Variants in NOA1 observed in about 807,000 individuals in gnomAD.
NOA1 encodes nitric oxide associated 1, also known as nitric oxide-associated protein 1.
A neutral mutation model predicts 58.4 loss-of-function variants in NOA1; 35 were observed. The observed-to-expected ratio is 0.60, with a 90% confidence interval of 0.46 to 0.79. The LOEUF is 0.79. Ranked by LOEUF, NOA1 falls within the 30% of genes least tolerant of loss-of-function variation. The probability of loss-of-function intolerance (pLI) is 0.00; values close to 1 mark genes in which losing one functional copy is unlikely to be tolerated. For synonymous variants in NOA1, 397 were observed against 373.4 expected (o/e 1.06, Z -0.73); for missense variants, 895 against 894.6 (o/e 1.00, Z -0.01).
rs1270415398 is a variant in NOA1 at position 56,964,513 on chromosome 4, C to A, written c.1778G>T (p.Gly593Val). ...AGGAAATCCTGCCATTCGTTCTTTT[C>A]CACCCATTGGAATCTTCCAATGAAA... ...GHTLLQIPMG[G>V]KERMAGFPPL... The change falls in exon 6 of 7, where the codon GGA becomes GTA. Residue 593 changes from glycine to valine, a missense_variant. By Grantham distance (109) the Gly-to-Val change is moderately radical. Around this residue, in one of 3 missense-constraint regions of NOA1, gnomAD observed 212 missense variants for 221.3 expected, o/e 0.96. Transcript: ENST00000264230. 3 of 1,613,652 alleles carry A rather than the reference C, an allele frequency of 1.9e-6. No homozygotes were observed. In the Admixed American group the frequency reaches 5.0e-5, roughly 27 times the overall value.
rs758999937 is a variant in NOA1, at chr4:56,973,149, C to T, written c.1514G>A (p.Cys505Tyr). 5.0e-6 allele frequency: 8 copies of T among 1,613,210 alleles called. No homozygotes were observed. The highest frequency in any genetic ancestry group is 5.9e-6 in the Non-Finnish European group (7 of 1,179,220). ...TTCTAAAAGAAACCAAATACATACA[C>T]AATTTTCTTTTGTAATTCCAGGGGT... Reference protein sequence around the residue: ...YDTPGITKENCILNLLTEKEV... With the variant: ...YDTPGITKENYILNLLTEKEV... Residue 505 changes from cysteine to tyrosine, a missense_variant and splice_region_variant, in exon 3 of 7, where the codon TGT (cysteine) becomes TAT (tyrosine). Physicochemically the swap from Cys to Tyr is radical, Grantham distance 194. Transcript: ENST00000264230.
At position 56,973,394 on chromosome 4, in the gene NOA1, T is replaced by C. The variant is rs574707877; in HGVS notation, c.1310-41A>G. ...GTAAGGTTATTAGTCACTCCTTTAA[T>C]ACTTTTAACTCCAGACATAATTTTT... On this transcript the variant is annotated intron_variant, in intron 2 of 6. Transcript: ENST00000264230. 2.5e-4 allele frequency: 368 copies of C among 1,464,572 alleles called. 11 individuals carry two copies. In the South Asian group the frequency reaches 3.4e-3, roughly 14 times the overall value. The allele number at this position is 1,464,572 out of a possible 1,614,324, so 90.7% of individuals were successfully genotyped here.
chr4:56,965,404 A>T (rs1209497078), intron 5 of NOA1, among the ~76,000 whole-genome samples: 3 of 152,190 alleles, frequency 2.0e-5, no homozygotes, highest in African/African-American at 7.2e-5. Context: ...GCCCCCAAGG[A>T]AATCAAAGGG....
intron 3 of NOA1, among the ~76,000 whole-genome samples, chr4:56,970,305 C>G (rs956053315): frequency 6.6e-6 from 1 of 151,876 alleles, no homozygotes; most frequent in East Asian, 2.0e-4. Context: ...GGTCCTGTCT[C>G]TACAAAAACT....
chr4:56,972,173 A>G (rs1296575447), intron 3 of NOA1, among the ~76,000 whole-genome samples: 2 of 152,216 alleles, frequency 1.3e-5, no homozygotes, highest in East Asian at 3.9e-4. Context: ...GGCGTGAGCC[A>G]CTGCGCCCGG....
chr4:56,973,259 A>G lies in NOA1; in HGVS notation c.1404T>C (p.Asn468=), dbSNP rs139662674. 1.5e-5 allele frequency: 24 copies of G among 1,613,976 alleles called. No individual in the cohort carries two copies. The African/African-American group carries it at 2.5e-4, about 17-fold the overall frequency. ...DADSLAFDME[N]DPVMGTHKST... is the part of the protein sequence containing the mutation. ...ATTTGTGTGTACCCATAACAGGGTCATTTTCCATGTCAAAGGCAAGTGAAT... is the reference window on the plus strand; with the variant it reads ...ATTTGTGTGTACCCATAACAGGGTCGTTTTCCATGTCAAAGGCAAGTGAAT... The change falls in exon 3 of 7, where the codon AAT becomes AAC. Residue 468 remains asparagine (N), a synonymous_variant. Coordinates refer to ENST00000264230, the MANE Select transcript of NOA1 (RefSeq NM_032313.4).
chr4:56,968,722 C>A (rs1487038597), intron 3 of NOA1, among the ~76,000 whole-genome samples: 2 of 152,210 alleles, frequency 1.3e-5, no homozygotes, highest in Non-Finnish European at 2.9e-5. Flanking sequence ...TGTTTTACAA[C>A]TTAATCTACA....
rs1350245418 is a variant in NOA1 at position 56,977,062 on chromosome 4, G to A, written c.524C>T (p.Ala175Val). Residue 175 changes from alanine (A) to valine (V), a missense_variant, in exon 1 of 7, where the codon GCA becomes GTA. Around this residue, in one of 3 missense-constraint regions of NOA1, gnomAD observed 680 missense variants for 656.5 expected, o/e 1.04. Transcript: ENST00000264230. ...LRTAEADGGL[A>V]RTVCQRCWLL... ...CCAGCAGCGCTGGCACACGGTCCGT[G>A]CCAGCCCGCCGTCTGCCTCCGCCGT... is the stretch of plus-strand genomic sequence containing the variant. The A allele has an allele frequency of 6.3e-7, 1 of 1,577,800 alleles. No individual in the cohort carries two copies. Among genetic ancestry groups the A allele is most frequent in the Non-Finnish European group, 8.6e-7 (1 of 1,167,044 alleles).
Position 56,963,580 on chromosome 4 carries a change from C to A in NOA1, c.1967G>T (p.Arg656Leu), listed in dbSNP as rs141931092. 1 of 1,613,890 alleles carries A rather than the reference C, an allele frequency of 6.2e-7. No homozygotes were observed. The highest frequency in any genetic ancestry group is 8.5e-7 in the Non-Finnish European group (1 of 1,180,014). Residue 656 changes from arginine to leucine, a missense_variant, in exon 7 of 7, where the codon CGG becomes CTG. Transcript: ENST00000264230. ...YTPEGTVLTV[R>L]PPLLPYIVNI... ...AACAATATATGGCAAGAGAGGGGGC[C>A]GGACGGTCAAAACTGTTCCTTCAGG...
Position 56,966,682 on chromosome 4 carries a change from T to TA in NOA1, c.1701dup (p.Ile568TyrfsTer39). The TA allele has an allele frequency of 6.2e-7, 1 of 1,613,990 alleles. No homozygotes were observed. Among genetic ancestry groups the TA allele is most frequent in the Non-Finnish European group, 8.5e-7 (1 of 1,179,920 alleles). On this transcript the variant is annotated frameshift_variant, in exon 5 of 7. Coordinates refer to ENST00000264230, the MANE Select transcript of NOA1 (RefSeq NM_032313.4). LOFTEE classifies it high-confidence loss of function. ...GCGTCTGCCCTGTCCAAGGAGGTGA[T>TA]ATGCACAGGGAGGATGTTGGAAGCC...
intron 1 of NOA1, among the ~76,000 whole-genome samples, chr4:56,975,505 C>T (rs1721890622): frequency 6.6e-6 from 1 of 151,890 alleles, no homozygotes; most frequent in Non-Finnish European, 1.5e-5. Flanking sequence ...GTGGTGCTTG[C>T]CTGTAATCCC....
In NOA1 at chr4:56,964,411, G is replaced by C. The variant is rs1560463025; in HGVS notation, c.1880C>G (p.Ser627Cys). 6.2e-7 allele frequency: 1 copy of C among 1,614,050 alleles called. No homozygotes were observed. Among genetic ancestry groups the C allele is most frequent in the Admixed American group, 1.7e-5 (1 of 59,974 alleles). ...SEAVADIKFS[S>C]AGWVSVTPNF... ...AGTGCTTGGCATAAAATTACCTGCA[G>C]AGGAAAACTTGATGTCGGCCACTGC... Residue 627 changes from serine to cysteine, a missense_variant, in exon 6 of 7, where the codon TCT becomes TGT. Transcript: ENST00000264230.
intron 1 of NOA1, 115 bp from the exon 2 acceptor site, chr4:56,974,137 A>G: frequency 1.4e-6 from 1 of 732,308 alleles, no homozygotes; most frequent in East Asian, 2.7e-5. Context: ...AATTACTGCC[A>G]CTTTACAAAT....
At chr4:56,966,865 G>A in intron 4 of NOA1, 129 bp from the exon 5 acceptor site, 2 of 655,114 alleles carry the variant, frequency 3.1e-6, no homozygotes, top group Admixed American at 5.0e-5. Flanking sequence ...ATAAGTACTG[G>A]TATGGCAGTA....
At position 56,973,986 on chromosome 4, in the gene NOA1, T is replaced by C. The variant is rs371038579; in HGVS notation, c.1181A>G (p.Asn394Ser). Reference sequence around the variant, plus strand: ...TTTAAACATTCTGTAAGGAGTTGGGTTGCAAATAGGAAACTTCAGAAGGTT... The same window carrying C: ...TTTAAACATTCTGTAAGGAGTTGGGCTGCAAATAGGAAACTTCAGAAGGTT... ...TLNLLKFPIC[N>S]PTPYRMFKRH... Residue 394 changes from asparagine to serine, a missense_variant, in exon 2 of 7, where the codon AAC becomes AGC. Asn to Ser is a conservative substitution (Grantham distance 46). Around this residue, in one of 3 missense-constraint regions of NOA1, gnomAD observed 680 missense variants for 656.5 expected, o/e 1.04. Transcript: ENST00000264230. 3.4e-5 allele frequency: 55 copies of C among 1,613,676 alleles called. No homozygotes were observed. The highest frequency in any genetic ancestry group is 4.5e-5 in the Non-Finnish European group (53 of 1,179,812).
chr4:56,967,292 A>T (rs1183547548), intron 4 of NOA1, among the ~76,000 whole-genome samples: 1 of 151,836 alleles, frequency 6.6e-6, no homozygotes, highest in Non-Finnish European at 1.5e-5. Flanking sequence ...GGGTGGGATG[A>T]TCATTGGAGC....
intron 3 of NOA1, 103 bp downstream of exon 3, chr4:56,973,045 T>G: frequency 3.0e-6 from 3 of 984,272 alleles, no homozygotes; most frequent in Non-Finnish European, 1.6e-6. Context: ...TCTATTGCAA[T>G]TCCCCTGTCT....
chr4:56,967,062 A>G (rs1721725186), intron 4 of NOA1, among the ~76,000 whole-genome samples: 1 of 152,182 alleles, frequency 6.6e-6, no homozygotes, highest in Non-Finnish European at 1.5e-5. Context: ...TTAAAATATT[A>G]ACATTTTATG....
intron 4 of NOA1, 135 bp from the exon 5 acceptor site, chr4:56,966,871 C>T (rs1721721306): frequency 3.1e-6 from 2 of 641,516 alleles, no homozygotes; most frequent in Non-Finnish European, 5.6e-6. Context: ...ACTGGTATGG[C>T]AGTAGCTGTA....
Sources: allele counts gnomAD v4.1 joint callset (sites outside exome capture counted in the v4.1 genomes callset), GRCh38; gene constraint gnomAD v4.1.1; regional missense constraint gnomAD v4.1.1; transcripts MANE v1.5; gene names NCBI Gene and HGNC (gene_info 2026-07-23, HGNC 2026-07-21).